The following LSAMP variants were observed in gnomAD, a reference collection of about 807,000 sequenced individuals.
LSAMP encodes the protein limbic system-associated membrane protein.
A neutral mutation model predicts 38.6 loss-of-function variants in LSAMP; 7 were observed. The ratio of observed to expected loss-of-function variants is 0.18; its 90% CI spans 0.10 to 0.34. The LOEUF is 0.34. Among genes scored for constraint, LSAMP ranks in the 10% least tolerant of loss-of-function variants. The pLI, the probability that LSAMP is intolerant of heterozygous loss-of-function variation, is 1.00. For missense variants in LSAMP, 313 were observed against 420.0 expected (o/e 0.75, Z 2.23); for synonymous variants, 154 against 166.8 (o/e 0.92, Z 0.59).
At chr3:115,879,769 CA>C (rs1010868185) in intron 3 of LSAMP, among the ~76,000 whole-genome samples, 67 of 152,168 alleles carry the variant, frequency 4.4e-4, no homozygotes, top group African/African-American at 1.5e-3. Flanking sequence ...TAACTTTTCA[CA>C]AAAGAGGCCT....
In LSAMP at chr3:116,435,238, C is replaced by T. The variant is rs138302282; in HGVS notation, c.155+9639G>A. Among the ~76,000 whole-genome samples the T allele has an allele frequency of 7.2e-5, 11 of 152,298 alleles. No homozygotes were observed. The East Asian group carries it at 1.4e-3, about 19-fold the overall frequency. ...CTAAAAACTGGGACCCTCTCTTTTA[C>T]TCCTTAACTAGGTTACCCATCTTGG... On this transcript the variant is annotated intron_variant, in intron 1 of 6. Transcript: ENST00000490035.
intron 3 of LSAMP, among the ~76,000 whole-genome samples, chr3:115,956,713 T>C (rs1031109150): frequency 2.0e-5 from 3 of 152,206 alleles, no homozygotes; most frequent in Admixed American, 2.0e-4. Flanking sequence ...TGGAAGCTTA[T>C]ATAGTTAAAA....
At chr3:116,153,256 C>A (rs1041473818) in intron 1 of LSAMP, among the ~76,000 whole-genome samples, 10 of 152,048 alleles carry the variant, frequency 6.6e-5, no homozygotes, top group African/African-American at 2.4e-4. Context: ...TATCTTTTGG[C>A]TCACTCTAGA....
chr3:115,928,978 T>TG (rs1937534606), intron 3 of LSAMP, among the ~76,000 whole-genome samples: 1 of 148,732 alleles, frequency 6.7e-6, no homozygotes, highest in African/African-American at 2.5e-5. Flanking sequence ...TGTTTGTTTT[T>TG]TTTTTTTTTT....
At chr3:115,914,203 T>C (rs1488463981) in intron 3 of LSAMP, among the ~76,000 whole-genome samples, 2 of 152,196 alleles carry the variant, frequency 1.3e-5, no homozygotes, top group Non-Finnish European at 2.9e-5. Context: ...TGCGTCGATG[T>C]TGACTTTGCT....
At chr3:115,832,187 G>GA (rs1934633909) in intron 6 of LSAMP, among the ~76,000 whole-genome samples, 1 of 152,090 alleles carries the variant, frequency 6.6e-6, no homozygotes, top group South Asian at 2.1e-4. Context: ...CAGCTGAAAT[G>GA]AAACATACAT....
At chr3:116,230,832 A>G (rs2046395427) in intron 1 of LSAMP, among the ~76,000 whole-genome samples, 1 of 152,176 alleles carries the variant, frequency 6.6e-6, no homozygotes, top group African/African-American at 2.4e-5. Context: ...CTGCAAGTAA[A>G]AATTAATTAA....
In LSAMP at chr3:116,445,080, C is replaced by T. The variant is rs1283779499; in HGVS notation, c.-49G>A. The T allele has an allele frequency of 6.4e-7, 1 of 1,564,334 alleles. No homozygotes were observed. Among genetic ancestry groups the T allele is most frequent in the African/African-American group, 1.4e-5 (1 of 74,004 alleles). On this transcript the variant is annotated 5_prime_UTR_variant, in exon 1 of 7. Coordinates refer to ENST00000490035, the MANE Select transcript of LSAMP (RefSeq NM_002338.5). Reference sequence around the variant, plus strand: ...CCGCGGGGTGCTCTGGAGGGGTGCGCGCTGCTCGCGAGGAGAGGCTTCACC... The same window carrying T: ...CCGCGGGGTGCTCTGGAGGGGTGCGTGCTGCTCGCGAGGAGAGGCTTCACC...
In LSAMP at chr3:116,422,618, G is replaced by T. The variant is rs567202145; in HGVS notation, c.155+22259C>A. Among the ~76,000 whole-genome samples, 67 of 152,214 alleles carry T rather than the reference G, an allele frequency of 4.4e-4. 2 individuals carry two copies. Among genetic ancestry groups the T allele is most frequent in the Admixed American group, 4.3e-3 (66 of 15,296 alleles). On this transcript the variant is annotated intron_variant, in intron 1 of 6. Transcript: ENST00000490035. Reference sequence around the variant, plus strand: ...ATGGGGACTGACTAAAGGTGGGCATGAAAAAAATTTTGGGAATGATGAAAG... The same window carrying T: ...ATGGGGACTGACTAAAGGTGGGCATTAAAAAAATTTTGGGAATGATGAAAG...
intron 1 of LSAMP, among the ~76,000 whole-genome samples, chr3:116,150,868 A>G (rs922957626): frequency 2.7e-5 from 4 of 150,416 alleles, no homozygotes; most frequent in South Asian, 2.1e-4. Context: ...TGAATAGGCA[A>G]AAATCTAAAT....
chr3:115,943,755 C>T (rs1296270167), intron 3 of LSAMP, among the ~76,000 whole-genome samples: 2 of 152,180 alleles, frequency 1.3e-5, no homozygotes, highest in African/African-American at 2.4e-5. Flanking sequence ...TTCATCAGCC[C>T]TCATCACTGC....
chr3:116,223,575 G>T (rs1435543251), intron 1 of LSAMP, among the ~76,000 whole-genome samples: 1 of 152,112 alleles, frequency 6.6e-6, no homozygotes, highest in African/African-American at 2.4e-5. Context: ...AAAACAATTT[G>T]CATGCTAGTA....
intron 1 of LSAMP, among the ~76,000 whole-genome samples, chr3:116,393,697 G>A (rs1291582315): frequency 6.6e-6 from 1 of 152,168 alleles, no homozygotes; most frequent in Non-Finnish European, 1.5e-5. Flanking sequence ...CCTCATTTTA[G>A]GATCTACTTT....
At chr3:116,318,068 G>C (rs565122130) in intron 1 of LSAMP, among the ~76,000 whole-genome samples, 1 of 149,876 alleles carries the variant, frequency 6.7e-6, no homozygotes, top group African/African-American at 2.5e-5. Context: ...CCCTGGAGGC[G>C]GAGGTTGCAG....
At chr3:116,227,556 T>G (rs1455015426) in intron 1 of LSAMP, among the ~76,000 whole-genome samples, 1 of 152,170 alleles carries the variant, frequency 6.6e-6, no homozygotes, top group African/African-American at 2.4e-5. Context: ...AACATATGTT[T>G]TTCAGTCAAC....
At chr3:116,019,094 C>T (rs998840105) in intron 3 of LSAMP, among the ~76,000 whole-genome samples, 1 of 136,724 alleles carries the variant, frequency 7.3e-6, no homozygotes, top group Non-Finnish European at 1.5e-5. Context: ...AATCACCAAA[C>T]TGGCATGTAT....
At chr3:115,889,477 T>C (rs1268569751) in intron 3 of LSAMP, among the ~76,000 whole-genome samples, 2 of 151,668 alleles carry the variant, frequency 1.3e-5, no homozygotes, top group East Asian at 1.9e-4. Context: ...TGCTGTAGAG[T>C]CTGGTGGTAG....
chr3:116,102,685 C>G (rs760534435), intron 1 of LSAMP, among the ~76,000 whole-genome samples: 1 of 152,200 alleles, frequency 6.6e-6, no homozygotes, highest in Non-Finnish European at 1.5e-5. Flanking sequence ...TTCACACTAT[C>G]AGCTTTCCTG....
At chr3:116,028,766 T>G (rs1940851580) in intron 2 of LSAMP, among the ~76,000 whole-genome samples, 1 of 152,142 alleles carries the variant, frequency 6.6e-6, no homozygotes, top group Non-Finnish European at 1.5e-5. Context: ...AATGGCATTC[T>G]AGTTATATTT....
Sources: gnomAD v4.1 joint callset for allele counts (sites outside exome capture counted in the v4.1 genomes callset) on GRCh38, gnomAD v4.1.1 for gene constraint, MANE v1.5 for transcripts, NCBI Gene and HGNC (gene_info 2026-07-23, HGNC 2026-07-21) for gene names.